ANKRD44: variants seen among roughly 807,000 people sequenced by gnomAD.
ANKRD44 encodes ankyrin repeat domain 44.
Under a neutral mutation model 116.0 loss-of-function variants are expected in ANKRD44, and 35 were observed. That is an observed-to-expected ratio of 0.30 (90% CI 0.23 to 0.40). The LOEUF (loss-of-function observed/expected upper bound fraction) is 0.40, where lower values mean the gene tolerates loss of function less well. Among genes scored for constraint, ANKRD44 ranks in the 10% least tolerant of loss-of-function variants. ANKRD44 has a pLI of 1.00. For synonymous variants in ANKRD44, 435 were observed against 461.8 expected, an observed-to-expected ratio of 0.94 and a Z score of 0.74; for missense variants, 1,014 against 1,242.6, an observed-to-expected ratio of 0.82 and a Z score of 2.77.
chr2:197,181,267 G>A (rs1453164694), intron 2 of ANKRD44, among the ~76,000 whole-genome samples: 1 of 151,868 alleles, frequency 6.6e-6, no homozygotes, highest in African/African-American at 2.4e-5. Flanking sequence ...ATCAACTTGG[G>A]GACAATTCAA....
intron 2 of ANKRD44, among the ~76,000 whole-genome samples, chr2:197,157,508 C>A (rs1486349563): frequency 6.6e-6 from 1 of 151,728 alleles, no homozygotes; most frequent in East Asian, 1.9e-4. Context: ...AACTCCCTCT[C>A]TACTAAAAAT....
At chr2:196,999,739 G>A (rs1014151308) in intron 23 of ANKRD44, among the ~76,000 whole-genome samples, 1 of 151,800 alleles carries the variant, frequency 6.6e-6, no homozygotes, top group South Asian at 2.1e-4. Flanking sequence ...GACTACAGGC[G>A]CCTGCCACCA....
chr2:197,136,300 A>T, intron 4 of ANKRD44: 1 of 391,086 alleles, frequency 2.6e-6, no homozygotes, highest in Non-Finnish European at 4.7e-6. Flanking sequence ...CCGCAAGTCA[A>T]TGATGATATT....
At chr2:197,122,204 C>G (rs1034732096) in intron 7 of ANKRD44, among the ~76,000 whole-genome samples, 5 of 152,112 alleles carry the variant, frequency 3.3e-5, no homozygotes, top group Non-Finnish European at 5.9e-5. Flanking sequence ...GATGTTCCAG[C>G]CTCACCACTG....
intron 27 of ANKRD44, among the ~76,000 whole-genome samples, chr2:196,992,299 G>A (rs951148589): frequency 1.3e-5 from 2 of 152,102 alleles, no homozygotes; most frequent in African/African-American, 4.8e-5. Context: ...CCTTTTTCTG[G>A]TATGAAAACA....
At chr2:196,973,046 C>T (rs548704052) in intron 21 of ANKRD44, among the ~76,000 whole-genome samples, 1 of 152,102 alleles carries the variant, frequency 6.6e-6, no homozygotes, top group Non-Finnish European at 1.5e-5. Flanking sequence ...TAAAGTATTA[C>T]CCCCATTGGA....
chr2:197,270,448 T>A (rs2082866209), intron 1 of ANKRD44, among the ~76,000 whole-genome samples: 1 of 152,092 alleles, frequency 6.6e-6, no homozygotes, highest in Non-Finnish European at 1.5e-5. Context: ...TAAACATTCA[T>A]GGCACCAAGC....
At chr2:197,048,202 T>A (rs1206499106) in intron 16 of ANKRD44, among the ~76,000 whole-genome samples, 1 of 152,200 alleles carries the variant, frequency 6.6e-6, no homozygotes, top group Non-Finnish European at 1.5e-5. Flanking sequence ...TGTATTTTTT[T>A]ATTATACTTT....
intron 1 of ANKRD44, chr2:197,263,506 G>C: frequency 2.7e-6 from 1 of 374,412 alleles, no homozygotes; most frequent in Non-Finnish European, 5.1e-6. Flanking sequence ...TTGCCTGATG[G>C]TGGCCTTTCT....
chr2:197,169,932 G>A (rs758878638), intron 2 of ANKRD44, among the ~76,000 whole-genome samples: 13 of 152,126 alleles, frequency 8.5e-5, no homozygotes, highest in Admixed American at 3.3e-4. Flanking sequence ...GTTCATGCCT[G>A]TAATCCAAGC....
chr2:197,188,868 T>C (rs547403040), intron 1 of ANKRD44, among the ~76,000 whole-genome samples: 3 of 152,232 alleles, frequency 2.0e-5, no homozygotes, highest in South Asian at 2.1e-4. Context: ...TTAAAAAAAA[T>C]AGTCCCAGAT....
chr2:197,259,562 C>T (rs2082541796), intron 1 of ANKRD44, among the ~76,000 whole-genome samples: 1 of 152,180 alleles, frequency 6.6e-6, no homozygotes, highest in African/African-American at 2.4e-5. Context: ...CCTTAGGCTG[C>T]CTGAGAAAAC....
intron 19 of ANKRD44, 141 bp from the exon 20 acceptor site, chr2:197,008,064 T>G: frequency 1.6e-6 from 1 of 632,382 alleles, no homozygotes; most frequent in Non-Finnish European, 2.8e-6. Context: ...GTGTCCCCAG[T>G]TTGCTATACA....
chr2:197,042,222 T>C (rs1173880790), intron 16 of ANKRD44, among the ~76,000 whole-genome samples: 1 of 152,194 alleles, frequency 6.6e-6, no homozygotes, highest in Non-Finnish European at 1.5e-5. Flanking sequence ...CTGATAATTA[T>C]GCCTCTTTTT....
chr2:197,090,082 A>G (rs1028142952), intron 10 of ANKRD44, 50 bp from the exon 11 acceptor site: 1 of 1,382,558 alleles, frequency 7.2e-7, no homozygotes, highest in African/African-American at 1.4e-5. Flanking sequence ...CTCAAGATAC[A>G]TGCGGAAGGA....
intron 1 of ANKRD44, among the ~76,000 whole-genome samples, chr2:197,225,545 T>C (rs1203843941): frequency 3.3e-5 from 5 of 152,330 alleles, no homozygotes; most frequent in Admixed American, 3.3e-4. Flanking sequence ...GGTTTCACCA[T>C]GATGGCCAGG....
At chr2:197,275,896 A>G (rs2083068268) in intron 1 of ANKRD44, among the ~76,000 whole-genome samples, 1 of 152,216 alleles carries the variant, frequency 6.6e-6, no homozygotes, top group South Asian at 2.1e-4. Context: ...TGCATTTCAT[A>G]AAATATTGTT....
intron 20 of ANKRD44, 80 bp downstream of exon 20, chr2:197,007,726 C>T: frequency 4.4e-6 from 4 of 910,602 alleles, no homozygotes; most frequent in South Asian, 2.9e-5. Context: ...TCAAAGTAGG[C>T]CCTTTGTAAT....
chr2:197,155,442 A>C (rs1212943905), intron 2 of ANKRD44, among the ~76,000 whole-genome samples: 2 of 152,248 alleles, frequency 1.3e-5, no homozygotes, highest in Non-Finnish European at 2.9e-5. Flanking sequence ...TCTAGACCCA[A>C]GGGCAAAAGG....
Sources: gnomAD v4.1 joint callset for allele counts (sites outside exome capture counted in the v4.1 genomes callset) on GRCh38, gnomAD v4.1.1 for gene constraint, MANE v1.5 for transcripts, NCBI Gene and HGNC (gene_info 2026-07-23, HGNC 2026-07-21) for gene names.